The following NKAIN2 variants were observed in gnomAD, a reference collection of about 807,000 sequenced individuals.
The protein encoded by NKAIN2 is sodium/potassium transporting ATPase interacting 2.
NKAIN2 carries 14 observed loss-of-function variants against 32.6 expected under a neutral mutation model. That is an observed-to-expected ratio of 0.43 (90% CI 0.28 to 0.67). The LOEUF (loss-of-function observed/expected upper bound fraction) is 0.67. Among genes scored for constraint, NKAIN2 ranks in the 30% least tolerant of loss-of-function variants. The pLI is 0.17. For missense variants in NKAIN2, 198 were observed against 258.3 expected, an observed-to-expected ratio of 0.77 and a Z score of 1.60; for synonymous variants, 80 against 87.2, an observed-to-expected ratio of 0.92 and a Z score of 0.46.
intron 1 of NKAIN2, among the ~76,000 whole-genome samples, chr6:124,170,425 C>A (rs561460821): frequency 5.3e-4 from 81 of 152,260 alleles, no homozygotes; most frequent in African/African-American, 1.9e-3. Flanking sequence ...ACCTGAATTT[C>A]TCTCTGCTAA....
chr6:124,679,323 A>C (rs113365645), intron 4 of NKAIN2, among the ~76,000 whole-genome samples: 1 of 152,092 alleles, frequency 6.6e-6, no homozygotes, highest in Non-Finnish European at 1.5e-5. Flanking sequence ...GTGACGCTCA[A>C]ATTGGTGCCC....
intron 3 of NKAIN2, among the ~76,000 whole-genome samples, chr6:124,605,182 A>C (rs1782452633): frequency 6.6e-6 from 1 of 152,122 alleles, no homozygotes; most frequent in South Asian, 2.1e-4. Context: ...GTTTTGTAGA[A>C]ACAAATAATT....
intron 3 of NKAIN2, among the ~76,000 whole-genome samples, chr6:124,383,315 C>T (rs548743800): frequency 6.6e-6 from 1 of 152,284 alleles, no homozygotes; most frequent in South Asian, 2.1e-4. Flanking sequence ...TCTCTCCAAT[C>T]CATTTTTTTG....
At chr6:124,599,203 C>T (rs1275148206) in intron 3 of NKAIN2, among the ~76,000 whole-genome samples, 1 of 151,608 alleles carries the variant, frequency 6.6e-6, no homozygotes, top group African/African-American at 2.4e-5. Flanking sequence ...TTTCATCTTA[C>T]TCTTTTTTTA....
intron 3 of NKAIN2, among the ~76,000 whole-genome samples, chr6:124,606,229 C>T (rs1431945910): frequency 6.6e-6 from 1 of 151,160 alleles, no homozygotes; most frequent in Non-Finnish European, 1.5e-5. Context: ...ATCTTGATCT[C>T]AGAGAAAAAA....
At chr6:123,876,579 G>A (rs1314555064) in intron 1 of NKAIN2, among the ~76,000 whole-genome samples, 3 of 152,184 alleles carry the variant, frequency 2.0e-5, no homozygotes, top group African/African-American at 7.2e-5. Context: ...AAAAGCCTAA[G>A]AACTGATGAG....
intron 4 of NKAIN2, among the ~76,000 whole-genome samples, chr6:124,709,321 C>T (rs984389477): frequency 2.7e-5 from 4 of 149,492 alleles, no homozygotes; most frequent in Non-Finnish European, 4.5e-5. Context: ...GTGTCTCTGC[C>T]AGGCTTTGGT....
At chr6:124,579,170 A>G (rs1781436382) in intron 3 of NKAIN2, among the ~76,000 whole-genome samples, 2 of 152,220 alleles carry the variant, frequency 1.3e-5, no homozygotes, top group African/African-American at 2.4e-5. Context: ...AGACCAGTAA[A>G]TACCTAACTC....
chr6:123,989,775 A>G (rs1779335561), intron 1 of NKAIN2, among the ~76,000 whole-genome samples: 1 of 152,214 alleles, frequency 6.6e-6, no homozygotes, highest in African/African-American at 2.4e-5. Flanking sequence ...AAATATGATC[A>G]ATACAAAGAC....
chr6:124,388,969 T>C (rs1353672371), intron 3 of NKAIN2, among the ~76,000 whole-genome samples: 1 of 152,182 alleles, frequency 6.6e-6, no homozygotes, highest in African/African-American at 2.4e-5. Context: ...TATGTGTTTA[T>C]AAGCTTTATT....
chr6:124,273,503 CTTTATA>C (rs1794897576), intron 1 of NKAIN2, among the ~76,000 whole-genome samples: 1 of 152,158 alleles, frequency 6.6e-6, no homozygotes, highest in Non-Finnish European at 1.5e-5. Context: ...CAGGTAGTAT[CTTTATA>C]GCAGTGTGAA....
chr6:124,029,869 C>G (rs1209308789), intron 1 of NKAIN2, among the ~76,000 whole-genome samples: 1 of 152,078 alleles, frequency 6.6e-6, no homozygotes, highest in Non-Finnish European at 1.5e-5. Context: ...TCTCATAGGA[C>G]TGAGAACTCT....
intron 5 of NKAIN2, among the ~76,000 whole-genome samples, chr6:124,799,431 G>A (rs551185808): frequency 5.3e-5 from 8 of 151,906 alleles, no homozygotes; most frequent in Admixed American, 1.3e-4. Context: ...TAATAATATC[G>A]CCTCCATTAT....
intron 2 of NKAIN2, among the ~76,000 whole-genome samples, chr6:124,305,895 T>A (rs1394045766): frequency 1.3e-5 from 2 of 152,162 alleles, no homozygotes; most frequent in Non-Finnish European, 2.9e-5. Flanking sequence ...TGTCTCCCTT[T>A]CTTATTTCCT....
chr6:124,496,991 C>A (rs1778086752), intron 3 of NKAIN2, among the ~76,000 whole-genome samples: 1 of 152,064 alleles, frequency 6.6e-6, no homozygotes, highest in Non-Finnish European at 1.5e-5. Context: ...CAGTGATATT[C>A]TGTATCCTAA....
intron 2 of NKAIN2, among the ~76,000 whole-genome samples, chr6:124,303,381 A>G (rs1288448963): frequency 1.3e-5 from 2 of 152,014 alleles, no homozygotes; most frequent in African/African-American, 4.8e-5. Context: ...CAGCAGCAAA[A>G]CAGGTAGATC....
intron 4 of NKAIN2, among the ~76,000 whole-genome samples, chr6:124,716,242 A>T (rs931383321): frequency 1.3e-5 from 2 of 152,190 alleles, no homozygotes; most frequent in Admixed American, 1.3e-4. Flanking sequence ...TGCCTACTGC[A>T]CCCACCAACT....
In NKAIN2 at chr6:124,145,017, C is replaced by A. The variant is rs141792348; in HGVS notation, c.55-137988C>A. On this transcript the variant is annotated intron_variant, in intron 1 of 6. Coordinates refer to ENST00000368417, the MANE Select transcript of NKAIN2 (RefSeq NM_001040214.3). ...ACAATATTCCGATGTCAGAGAAGCACATGAAAAGATGTTTAACATCATTAA... is the reference window on the plus strand; with the variant it reads ...ACAATATTCCGATGTCAGAGAAGCAAATGAAAAGATGTTTAACATCATTAA... 3.7e-4 allele frequency among the ~76,000 whole-genome samples: 57 copies of A among 152,214 alleles called. No homozygotes were observed. The East Asian group carries it at 7.5e-3, about 20-fold the overall frequency.
intron 1 of NKAIN2, among the ~76,000 whole-genome samples, chr6:123,810,195 C>T (rs545396719): frequency 6.6e-6 from 1 of 152,124 alleles, no homozygotes; most frequent in South Asian, 2.1e-4. Context: ...TTAAGTCATC[C>T]TCTTAGTAAG....
Sources: allele counts gnomAD v4.1 joint callset (sites outside exome capture counted in the v4.1 genomes callset), GRCh38; gene constraint gnomAD v4.1.1; transcripts MANE v1.5; gene names NCBI Gene and HGNC (gene_info 2026-07-23, HGNC 2026-07-21).